The following CD163L1 variants were observed in gnomAD, a reference collection of about 807,000 sequenced individuals.
The protein encoded by CD163L1 is scavenger receptor cysteine-rich type 1 protein M160.
CD163L1 carries 124 observed loss-of-function variants against 165.4 expected under a neutral mutation model. The observed-to-expected ratio is 0.75, with a 90% confidence interval of 0.65 to 0.87. CD163L1 has a LOEUF of 0.87. Ranked by LOEUF, CD163L1 falls within the 40% of genes least tolerant of loss-of-function variation. CD163L1 has a pLI of 0.00. For missense variants in CD163L1, 1,525 were observed against 1,799.9 expected, an observed-to-expected ratio of 0.85 and a Z score of 2.76; for synonymous variants, 585 against 662.2, an observed-to-expected ratio of 0.88 and a Z score of 1.79.
chr12:7,381,685 T>G (rs1430387642), intron 8 of CD163L1, among the ~76,000 whole-genome samples: 2 of 152,126 alleles, frequency 1.3e-5, no homozygotes, highest in Admixed American at 6.6e-5. Flanking sequence ...AGAGCTATAA[T>G]TTTGTGTGTG....
the CD163L1 span, chr12:7,322,504 G>C: frequency 6.2e-7 from 1 of 1,613,894 alleles, no homozygotes; most frequent in Non-Finnish European, 8.5e-7. Flanking sequence ...GTGCAAACTG[G>C]GCTGGAGCTA....
At chr12:7,334,811 A>G in the CD163L1 span, among the ~76,000 whole-genome samples, 6 of 152,254 alleles carry the variant, frequency 3.9e-5, no homozygotes, top group African/African-American at 1.4e-4. Flanking sequence ...TACAAAATCA[A>G]TATGCAAAAA....
In CD163L1 at chr12:7,439,949, G is replaced by A. The variant is rs1591976957; in HGVS notation, c.124+1205C>T. 2.5e-6 allele frequency: 4 copies of A among 1,580,332 alleles called. No homozygotes were observed. In the East Asian group the frequency reaches 9.2e-5, roughly 36 times the overall value. ...TCAGTGCTGTCGGCAGCTGACACAG[G>A]GGCTGCGGTCACACTCGCTCCCTCC... On this transcript the variant is annotated intron_variant, in intron 2 of 19. Coordinates refer to ENST00000313599, the MANE Select transcript of CD163L1 (RefSeq NM_174941.6).
At chr12:7,384,100 A>C (rs1947466252) in intron 8 of CD163L1, among the ~76,000 whole-genome samples, 1 of 152,158 alleles carries the variant, frequency 6.6e-6, no homozygotes, top group African/African-American at 2.4e-5. Flanking sequence ...GTTAATGAGA[A>C]ATTCAACAAA....
At chr12:7,427,589 TAC>T (rs1948566740) in intron 4 of CD163L1, among the ~76,000 whole-genome samples, 4 of 152,102 alleles carry the variant, frequency 2.6e-5, no homozygotes, top group Admixed American at 1.3e-4. Context: ...CTCATGGGTT[TAC>T]AGTTTTTCTC....
intron 2 of CD163L1, among the ~76,000 whole-genome samples, chr12:7,436,279 C>T (rs768709783): frequency 3.0e-4 from 46 of 151,942 alleles, no homozygotes; most frequent in African/African-American, 8.0e-4. Flanking sequence ...CATTAAACAG[C>T]GAGAAATTTA....
At chr12:7,388,868 C>T (rs906906912) in intron 8 of CD163L1, among the ~76,000 whole-genome samples, 2 of 152,010 alleles carry the variant, frequency 1.3e-5, no homozygotes, top group Admixed American at 6.6e-5. Flanking sequence ...CCCAGAAATC[C>T]TATTTATCCA....
At chr12:7,354,933 C>T (rs1321897293), downstream of CD163L1, 2 of 152,062 alleles carry the variant, frequency 1.3e-5, no homozygotes, top group Non-Finnish European at 2.9e-5. Context: ...TTGCGAGGGG[C>T]AAAGGAAAAC....
chr12:7,389,379 G>A (rs1182374048), intron 8 of CD163L1, among the ~76,000 whole-genome samples: 1 of 152,050 alleles, frequency 6.6e-6, no homozygotes, highest in African/African-American at 2.4e-5. Context: ...TTTTTCATAT[G>A]CCTATTATGT....
In CD163L1 at chr12:7,440,042, A is replaced by G. The variant is rs372316440; in HGVS notation, c.124+1112T>C. 33 of 1,272,128 alleles carry G rather than the reference A, an allele frequency of 2.6e-5. No homozygotes were observed. In the African/African-American group the frequency reaches 3.8e-4, roughly 15 times the overall value. 78.8% of individuals were successfully genotyped at this position (1,272,128 alleles called of 1,614,324 possible). A position where few individuals can be genotyped will look rare whatever the true frequency, so the allele number is the denominator to read the frequency against. On this transcript the variant is annotated intron_variant, in intron 2 of 19. Coordinates refer to ENST00000313599, the MANE Select transcript of CD163L1 (RefSeq NM_174941.6). ...AACCCGCTGCGACACACACCCCAGC[A>G]GCTCCTCGCGTTCCGCGCTCCGCCC...
chr12:7,389,767 G>A (rs181519149), intron 8 of CD163L1, among the ~76,000 whole-genome samples: 72 of 151,588 alleles, frequency 4.7e-4, no homozygotes, highest in Middle Eastern at 3.4e-3. Context: ...AGAATGTCTC[G>A]TGTACTCCAT....
the CD163L1 span, among the ~76,000 whole-genome samples, chr12:7,341,157 G>A: frequency 1.2e-4 from 18 of 152,238 alleles, no homozygotes; most frequent in South Asian, 3.7e-3. Context: ...AAGAACATTA[G>A]TCCAGATTTT....
chr12:7,387,133 A>C (rs1006071270), intron 8 of CD163L1, among the ~76,000 whole-genome samples: 1 of 152,252 alleles, frequency 6.6e-6, no homozygotes, highest in Non-Finnish European at 1.5e-5. Flanking sequence ...AAGTTACAGC[A>C]TACAAAATCA....
At chr12:7,426,296 T>C (rs1266006551) in intron 4 of CD163L1, among the ~76,000 whole-genome samples, 1 of 151,728 alleles carries the variant, frequency 6.6e-6, no homozygotes, top group Non-Finnish European at 1.5e-5. Context: ...TGTCTGGGAA[T>C]GGGGGGCAAG....
chr12:7,378,878 T>C, intron 9 of CD163L1, 100 bp downstream of exon 9: 1 of 1,054,194 alleles, frequency 9.5e-7, no homozygotes, highest in Non-Finnish European at 1.4e-6. Flanking sequence ...TTCATTTACT[T>C]TTGACCTAAT....
chr12:7,413,384 T>C (rs1367162417), intron 4 of CD163L1, among the ~76,000 whole-genome samples: 1 of 152,122 alleles, frequency 6.6e-6, no homozygotes, highest in Admixed American at 6.6e-5. Context: ...CGGAATAATC[T>C]GGGGACCATC....
chr12:7,421,086 CGT>C (rs1491268597), intron 4 of CD163L1, among the ~76,000 whole-genome samples: 2 of 94,150 alleles, frequency 2.1e-5, no homozygotes, highest in Admixed American at 1.1e-4. Context: ...TATATATATA[CGT>C]ATATATATGT....
chr12:7,439,615 A>T, intron 2 of CD163L1: 1 of 1,604,668 alleles, frequency 6.2e-7, no homozygotes, highest in East Asian at 2.2e-5. Flanking sequence ...ATTTAAGGAT[A>T]GTCTCTGAAT....
the CD163L1 span, among the ~76,000 whole-genome samples, chr12:7,326,305 G>C: frequency 6.6e-6 from 1 of 152,136 alleles, no homozygotes; most frequent in Non-Finnish European, 1.5e-5. Flanking sequence ...GCTGGGCTCA[G>C]TCGATCCTCC....
Sources: gnomAD v4.1 joint callset for allele counts (sites outside exome capture counted in the v4.1 genomes callset) on GRCh38, gnomAD v4.1.1 for gene constraint, MANE v1.5 for transcripts, NCBI Gene and HGNC (gene_info 2026-07-23, HGNC 2026-07-21) for gene names.